Variants in PIGV observed in about 807,000 individuals in gnomAD.
PIGV encodes the protein GPI alpha-1,6-mannosyltransferase 2.
A neutral mutation model predicts 39.2 loss-of-function variants in PIGV; 27 were observed. That is an observed-to-expected ratio of 0.69 (90% CI 0.51 to 0.95). The LOEUF is 0.95. PIGV is among the 40% of genes least tolerant of loss of function. PIGV has a pLI of 0.00. For missense variants in PIGV, 523 were observed against 586.4 expected, an observed-to-expected ratio of 0.89 and a Z score of 1.12; for synonymous variants, 232 against 241.7, an observed-to-expected ratio of 0.96 and a Z score of 0.37.
intron 1 of PIGV, chr1:26,788,680 G>A (rs942111096): frequency 1.3e-5 from 2 of 152,184 alleles, no homozygotes; most frequent in Admixed American, 1.3e-4. Flanking sequence ...CCCTGGGTAC[G>A]TCACTTGACC....
At position 26,790,400 on chromosome 1, in the gene PIGV, T is replaced by G. The variant is rs560913167; in HGVS notation, c.-57-359T>G. On this transcript the variant is annotated intron_variant, in intron 1 of 3. Coordinates refer to ENST00000674202, the MANE Select transcript of PIGV (RefSeq NM_017837.4). ...GAAAAAAAAAAAGTCTGCTCCCATT[T>G]TTTATATAAAGAACTGAGGCTCAGA... Among the ~76,000 whole-genome samples the G allele has an allele frequency of 2.6e-5, 4 of 152,330 alleles. No homozygotes were observed. In the South Asian group the frequency reaches 8.3e-4, roughly 32 times the overall value.
chr1:26,792,343 C>T (rs374620166), intron 2 of PIGV, among the ~76,000 whole-genome samples: 13 of 145,960 alleles, frequency 8.9e-5, no homozygotes, highest in East Asian at 8.0e-4. Context: ...TTTTTTGAGA[C>T]GGAGTCTCGC....
At chr1:26,795,483 TG>T (rs2081369559) in intron 3 of PIGV, among the ~76,000 whole-genome samples, 1 of 151,808 alleles carries the variant, frequency 6.6e-6, no homozygotes. Flanking sequence ...GAGGCTGAGG[TG>T]GGTGGATCAC....
chr1:26,793,823 G>T (rs766628535), intron 2 of PIGV, among the ~76,000 whole-genome samples: 2 of 152,078 alleles, frequency 1.3e-5, no homozygotes, highest in Non-Finnish European at 2.9e-5. Flanking sequence ...TGCCCAGGCT[G>T]GTCTTAAACT....
Position 26,797,592 on chromosome 1 carries a change from T to C in PIGV, c.1230T>C (p.Thr410=), listed in dbSNP as rs1389170176. 3 of 1,614,080 alleles carry C rather than the reference T, an allele frequency of 1.9e-6. No individual in the cohort carries two copies. Among genetic ancestry groups the C allele is most frequent in the Non-Finnish European group, 2.5e-6 (3 of 1,179,946 alleles). ...TCACCAGGTTTTTGGGCTCCTCCAC[T>C]CCTATTATGTACTGGTTTCCAGCTC... is the stretch of plus-strand genomic sequence containing the variant. ...QVLTRFLGSS[T]PIMYWFPAHL... Residue 410 remains threonine (T), a synonymous_variant, in exon 4 of 4, where the codon ACT becomes ACC. Coordinates refer to ENST00000674202, the MANE Select transcript of PIGV (RefSeq NM_017837.4).
At position 26,798,235 on chromosome 1, in the gene PIGV, C is replaced by T. The variant is rs2081411559; in HGVS notation, c.*391C>T. On this transcript the variant is annotated 3_prime_UTR_variant, in exon 4 of 4. Coordinates refer to ENST00000674202, the MANE Select transcript of PIGV (RefSeq NM_017837.4). ...TAGCTGACAGGCTGGTAACAGTCCA[C>T]ACAAGATGGTATAGGCCTGAACAGT... 2 of 314,834 alleles carry T rather than the reference C, an allele frequency of 6.4e-6. No homozygotes were observed. The highest frequency in any genetic ancestry group is 5.8e-5 in the South Asian group (2 of 34,774). The allele number at this position is 314,834 out of a possible 1,614,324, so 19.5% of individuals were successfully genotyped here.
At chr1:26,787,850 T>A (rs919518151), upstream of PIGV, 1 of 152,246 alleles carries the variant, frequency 6.6e-6, no homozygotes, top group Non-Finnish European at 1.5e-5. Flanking sequence ...GCGACCCCCA[T>A]CCCGCTCGCC....
chr1:26,798,061 C>T lies in PIGV; in HGVS notation c.*217C>T, dbSNP rs2081409810. 1.7e-6 allele frequency: 1 copy of T among 580,320 alleles called. No homozygotes were observed. Among genetic ancestry groups the T allele is most frequent in the Non-Finnish European group, 3.1e-6 (1 of 324,620 alleles). The allele number at this position is 580,320 out of a possible 1,614,324, so 35.9% of individuals were successfully genotyped here. On this transcript the variant is annotated 3_prime_UTR_variant, in exon 4 of 4. Transcript: ENST00000674202. ...GGCAAATTTTAGACAACTATTTTCT[C>T]TGTAAGTGAAGATTGTCGTATTCCA... is the stretch of plus-strand genomic sequence containing the variant.
At position 26,794,243 on chromosome 1, in the gene PIGV, A is replaced by C. The variant is rs975703223; in HGVS notation, c.209A>C (p.His70Pro). Residue 70 changes from histidine (H) to proline (P), a missense_variant, in exon 3 of 4, where the codon CAC becomes CCC. Coordinates refer to ENST00000674202, the MANE Select transcript of PIGV (RefSeq NM_017837.4). The stretch of plus-strand genomic sequence containing the variant: ...GGCCTGTCTCACTGGGATGCTGAAC[A>C]CTTCTTGTTCATTGCTGAGCATGGC... ...LGGLSHWDAEHFLFIAEHGYL... is the reference protein window; with the variant it reads ...LGGLSHWDAEPFLFIAEHGYL... 3 of 1,614,138 alleles carry C rather than the reference A, an allele frequency of 1.9e-6. No individual in the cohort carries two copies. Among genetic ancestry groups the C allele is most frequent in the Admixed American group, 3.3e-5 (2 of 60,022 alleles).
rs1270951740 is a variant in PIGV at position 26,799,141 on chromosome 1, AG to A, written c.*1298del. Among the ~76,000 whole-genome samples the A allele has an allele frequency of 6.6e-6, 1 of 152,112 alleles. No homozygotes were observed. The highest frequency in any genetic ancestry group is 1.5e-5 in the Non-Finnish European group (1 of 68,012). On this transcript the variant is annotated 3_prime_UTR_variant, in exon 4 of 4. Coordinates refer to ENST00000674202, the MANE Select transcript of PIGV (RefSeq NM_017837.4). ...TCCTCCACCGAGTGCAACTCTTGGG[AG>A]TAATTTAGGTGGTCTTTCCTTTCAA...
At position 26,797,809 on chromosome 1, in the gene PIGV, C is replaced by G. The variant is rs765175813; in HGVS notation, c.1447C>G (p.Leu483Val). Residue 483 changes from leucine (L) to valine (V), a missense_variant, in exon 4 of 4, where the codon CTA becomes GTA. By Grantham distance (32) the Leu-to-Val change is conservative (BLOSUM62 1). Coordinates refer to ENST00000674202, the MANE Select transcript of PIGV (RefSeq NM_017837.4). ...GYFLTYWLLG[L>V]LLHCNFLPWT The stretch of plus-strand genomic sequence containing the variant: ...CTTCCTGACTTACTGGCTCCTGGGA[C>G]TACTCCTACATTGCAACTTCCTGCC... 6.2e-7 allele frequency: 1 copy of G among 1,614,094 alleles called. No homozygotes were observed. Among genetic ancestry groups the G allele is most frequent in the South Asian group, 1.1e-5 (1 of 91,088 alleles).
chr1:26,794,354 G>C lies in PIGV; in HGVS notation c.320G>C (p.Gly107Ala). 1.2e-6 allele frequency: 2 copies of C among 1,614,200 alleles called. No homozygotes were observed. Among genetic ancestry groups the C allele is most frequent in the East Asian group, 4.5e-5 (2 of 44,892 alleles). Reference protein sequence around the residue: ...VGTELLRPLRGLLSLRSCLLI... With the variant: ...VGTELLRPLRALLSLRSCLLI... ...ACTGAACTGTTGAGACCCTTACGGG[G>C]GTTACTGAGTCTACGCAGTTGCCTG... The change falls in exon 3 of 4, where the codon GGG becomes GCG. Residue 107 changes from glycine (G) to alanine (A), a missense_variant. Coordinates refer to ENST00000674202, the MANE Select transcript of PIGV (RefSeq NM_017837.4).
intron 2 of PIGV, among the ~76,000 whole-genome samples, chr1:26,793,602 A>G (rs570577558): frequency 1.3e-5 from 2 of 152,172 alleles, no homozygotes; most frequent in Admixed American, 1.3e-4. Context: ...GTCCTCAAGA[A>G]GAGTTCTAAG....
intron 1 of PIGV, chr1:26,788,700 C>T (rs1034989151): frequency 6.6e-6 from 1 of 152,190 alleles, no homozygotes; most frequent in African/African-American, 2.4e-5. Context: ...CCCAGTGAGC[C>T]TCAGTTTCCA....
At chr1:26,787,274 TTTC>T (rs150882790), upstream of PIGV, among the ~76,000 whole-genome samples, 3,252 of 152,250 alleles carry the variant, frequency 0.021, 68 homozygotes, top group Admixed American at 0.049. Flanking sequence ...CCTCTTTTTT[TTTC>T]TTCTTTTTTT....
Position 26,800,561 on chromosome 1 carries a change from A to G in PIGV, c.*2717A>G, listed in dbSNP as rs2081437639. ...TAGACCCTCTCACTGTCATCTGAAA[A>G]TGTAATATGTGCAGGCTCAAGGGAT... is the stretch of plus-strand genomic sequence containing the variant. On this transcript the variant is annotated 3_prime_UTR_variant, in exon 4 of 4. Transcript: ENST00000674202. Among the ~76,000 whole-genome samples the G allele has an allele frequency of 1.3e-5, 2 of 152,140 alleles. No individual in the cohort carries two copies. Among genetic ancestry groups the G allele is most frequent in the Admixed American group, 1.3e-4 (2 of 15,280 alleles).
Position 26,798,070 on chromosome 1 carries a change from A to G in PIGV, c.*226A>G. The G allele has an allele frequency of 1.8e-6, 1 of 566,222 alleles. No homozygotes were observed. The highest frequency in any genetic ancestry group is 3.2e-6 in the Non-Finnish European group (1 of 315,624). The allele number at this position is 566,222 out of a possible 1,614,324, so 35.1% of individuals were successfully genotyped here. On this transcript the variant is annotated 3_prime_UTR_variant, in exon 4 of 4. Coordinates refer to ENST00000674202, the MANE Select transcript of PIGV (RefSeq NM_017837.4). ...TAGACAACTATTTTCTCTGTAAGTG[A>G]AGATTGTCGTATTCCAAGTCTAAAA...
chr1:26,792,434 T>C (rs911202328), intron 2 of PIGV, among the ~76,000 whole-genome samples: 2 of 151,306 alleles, frequency 1.3e-5, no homozygotes, highest in African/African-American at 4.9e-5. Context: ...TTCACGCCAT[T>C]CTCCTGCCTC....
chr1:26,797,762 T>G lies in PIGV; in HGVS notation c.1400T>G (p.Val467Gly), dbSNP rs748685118. The change falls in exon 4 of 4, where the codon GTC (valine) becomes GGC (glycine). Residue 467 changes from valine to glycine, a missense_variant. Physicochemically the swap from Val to Gly is moderately radical, Grantham distance 109. Transcript: ENST00000674202. ...TATCACTGGAAAACCTGTTCTCCAG[T>G]CACACGATACATTCTAGGCTACTTC... is the stretch of plus-strand genomic sequence containing the variant. Reference protein sequence around the residue: ...LLYHWKTCSPVTRYILGYFLT... With the variant: ...LLYHWKTCSPGTRYILGYFLT... The G allele has an allele frequency of 4.3e-6, 7 of 1,613,940 alleles. No homozygotes were observed.
Sources: allele counts gnomAD v4.1 joint callset (sites outside exome capture counted in the v4.1 genomes callset), GRCh38; gene constraint gnomAD v4.1.1; transcripts MANE v1.5; gene names NCBI Gene and HGNC (gene_info 2026-07-23, HGNC 2026-07-21).